MALRD1: variants seen among roughly 807,000 people sequenced by gnomAD.
MALRD1 encodes MAM and LDL-receptor class A domain-containing protein 1.
Under a neutral mutation model 242.1 loss-of-function variants are expected in MALRD1, and 247 were observed. The observed-to-expected ratio is 1.02, with a 90% CI of 0.92 to 1.13. The LOEUF is 1.13. Among genes scored for constraint, MALRD1 ranks in the 50% most tolerant of loss-of-function variants. MALRD1 has a pLI of 0.00. For missense variants in MALRD1, 2,989 were observed against 2,533.1 expected (o/e 1.18, Z -3.86); for synonymous variants, 995 against 866.6 (o/e 1.15, Z -2.60).
chr10:19,519,616 T>A (rs1833789074), intron 31 of MALRD1, among the ~76,000 whole-genome samples: 1 of 151,902 alleles, frequency 6.6e-6, no homozygotes, highest in Admixed American at 6.6e-5. Flanking sequence ...AATTTTTTTT[T>A]TATAAGGTAG....
Position 19,615,842 on chromosome 10 carries a change from G to A in MALRD1, c.6071-15G>A, listed in dbSNP as rs572698122. ...ATTTATAATTAACTGGTGTCTTTGT[G>A]ATGCTTCTTTTTAGAATGTCCATTA... On this transcript the variant is annotated splice_polypyrimidine_tract_variant and intron_variant, in intron 35 of 39. Transcript: ENST00000454679. 29 of 1,520,896 alleles carry A rather than the reference G, an allele frequency of 1.9e-5. 1 individual carries two copies. In the African/African-American group the frequency reaches 2.1e-4, roughly 11 times the overall value. 94.2% of individuals were successfully genotyped at this position (1,520,896 alleles called of 1,614,324 possible).
In MALRD1 at chr10:19,659,585, G is replaced by T. The variant is rs373068081; in HGVS notation, c.6138-32697G>T. 3.9e-5 allele frequency among the ~76,000 whole-genome samples: 6 copies of T among 151,972 alleles called. No individual in the cohort carries two copies. The South Asian group carries it at 1.2e-3, about 32-fold the overall frequency. On this transcript the variant is annotated intron_variant, in intron 36 of 39. Coordinates refer to ENST00000454679, the MANE Select transcript of MALRD1 (RefSeq NM_001142308.3). ...ATCAATTTCATTCTCTTCACCAGTT[G>T]TCTGCCTCATAAAAGCCATTTCTGC...
chr10:19,054,126 T>C (rs1271468873), intron 1 of MALRD1, among the ~76,000 whole-genome samples: 1 of 152,142 alleles, frequency 6.6e-6, no homozygotes, highest in East Asian at 1.9e-4. Context: ...AATTTTTAAA[T>C]GATTTAAAAA....
intron 26 of MALRD1, among the ~76,000 whole-genome samples, chr10:19,382,849 C>T (rs1259177704): frequency 6.6e-6 from 1 of 152,148 alleles, no homozygotes; most frequent in Non-Finnish European, 1.5e-5. Flanking sequence ...TGTACCACTC[C>T]TGCTACTCAG....
chr10:19,371,228 A>G (rs971158087), intron 26 of MALRD1, among the ~76,000 whole-genome samples: 21 of 152,170 alleles, frequency 1.4e-4, no homozygotes, highest in Middle Eastern at 3.4e-3. Flanking sequence ...TAGCCTGGGC[A>G]ACCCAGTGAG....
At chr10:19,393,847 A>G (rs961816975) in intron 28 of MALRD1, among the ~76,000 whole-genome samples, 1 of 151,934 alleles carries the variant, frequency 6.6e-6, no homozygotes, top group Non-Finnish European at 1.5e-5. Flanking sequence ...GTTTTCCACA[A>G]TTTGTTTTCA....
intron 35 of MALRD1, among the ~76,000 whole-genome samples, chr10:19,612,837 G>T (rs1028121987): frequency 6.6e-6 from 1 of 151,798 alleles, no homozygotes; most frequent in Non-Finnish European, 1.5e-5. Context: ...GGGGATGGTG[G>T]TGACCTATTA....
At position 19,607,782 on chromosome 10, in the gene MALRD1, A is replaced by T. The variant is rs1468215506; in HGVS notation, c.5950A>T (p.Lys1984Ter). ...TTATTCTTTTTTTTTTGCAGCCAAC[A>T]AAAGCTGTTCTAATGGAGCTCTGGT... The part of the protein sequence containing the change: ...FNEDELICSN[K>*]SCSNGALVCA... Residue 1984 changes from lysine to a stop codon, truncating the protein, a stop_gained, in exon 35 of 40, where the codon AAA (lysine) becomes TAA (stop). Coordinates refer to ENST00000454679, the MANE Select transcript of MALRD1 (RefSeq NM_001142308.3). LOFTEE classifies it high-confidence loss of function. 5 of 1,547,902 alleles carry T rather than the reference A, an allele frequency of 3.2e-6. No individual in the cohort carries two copies. In the East Asian group the frequency reaches 1.2e-4, roughly 38 times the overall value.
intron 36 of MALRD1, among the ~76,000 whole-genome samples, chr10:19,667,459 C>T (rs1253696858): frequency 2.0e-5 from 3 of 152,140 alleles, no homozygotes; most frequent in African/African-American, 7.2e-5. Context: ...GAACTGTAAT[C>T]TCCAATGCTA....
chr10:19,714,771 G>C (rs1014237976), intron 38 of MALRD1, among the ~76,000 whole-genome samples: 4 of 152,018 alleles, frequency 2.6e-5, no homozygotes, highest in Non-Finnish European at 5.9e-5. Context: ...CATGCGGATC[G>C]CATCTTTTAT....
chr10:19,235,576 C>CGAGAGAG (rs1564488759), intron 18 of MALRD1, among the ~76,000 whole-genome samples: 5 of 57,300 alleles, frequency 8.7e-5, no homozygotes, highest in Non-Finnish European at 1.3e-4. Context: ...CACCCACACC[C>CGAGAGAG]ACAGAGAGAG....
Position 19,253,989 on chromosome 10 carries a change from C to T in MALRD1, c.2992-3695C>T, listed in dbSNP as rs139605050. Reference sequence around the variant, plus strand: ...GGGGTTTCACCCTTTGCTCGTGTCTCATTCTCTCTCCTGTCACCATGTGAA... The same window carrying T: ...GGGGTTTCACCCTTTGCTCGTGTCTTATTCTCTCTCCTGTCACCATGTGAA... On this transcript the variant is annotated intron_variant, in intron 18 of 39. Coordinates refer to ENST00000454679, the MANE Select transcript of MALRD1 (RefSeq NM_001142308.3). Among the ~76,000 whole-genome samples the T allele has an allele frequency of 9.6e-4, 146 of 152,054 alleles. 2 individuals carry two copies. The highest frequency in any genetic ancestry group is 6.6e-3 in the East Asian group (34 of 5,150).
chr10:19,536,159 A>T (rs767009426), intron 32 of MALRD1, among the ~76,000 whole-genome samples: 1 of 151,986 alleles, frequency 6.6e-6, no homozygotes, highest in Non-Finnish European at 1.5e-5. Flanking sequence ...CTTCCTAGGT[A>T]GGTTTGGTCA....
At chr10:19,074,541 A>G (rs1000874079) in intron 2 of MALRD1, among the ~76,000 whole-genome samples, 2 of 152,064 alleles carry the variant, frequency 1.3e-5, no homozygotes, top group African/African-American at 4.8e-5. Flanking sequence ...CTATTTTTCC[A>G]TTTATTTCAA....
chr10:19,731,111 A>G (rs184985138), intron 39 of MALRD1, among the ~76,000 whole-genome samples: 131 of 152,352 alleles, frequency 8.6e-4, no homozygotes, highest in Middle Eastern at 6.8e-3. Flanking sequence ...AGCTGCTTAC[A>G]GTAACTATTC....
chr10:19,128,062 T>G (rs907654249), intron 7 of MALRD1, among the ~76,000 whole-genome samples, 159 bp from the exon 8 acceptor site: 28 of 152,304 alleles, frequency 1.8e-4, no homozygotes, highest in African/African-American at 6.3e-4. Flanking sequence ...AAACCTGTTA[T>G]TTGTAGTTGA....
intron 18 of MALRD1, among the ~76,000 whole-genome samples, chr10:19,223,678 C>T (rs117254472): frequency 0.049 from 7,419 of 152,194 alleles, 215 homozygotes; most frequent in Middle Eastern, 0.078. Context: ...AGTATTTCTC[C>T]TAATGCTATC....
chr10:19,433,317 G>A (rs1834220799), intron 28 of MALRD1, among the ~76,000 whole-genome samples: 1 of 151,914 alleles, frequency 6.6e-6, no homozygotes, highest in South Asian at 2.1e-4. Flanking sequence ...GTTGAAATGG[G>A]GAAAGACAAA....
intron 33 of MALRD1, among the ~76,000 whole-genome samples, chr10:19,579,589 A>T (rs966026366): frequency 6.6e-6 from 1 of 152,182 alleles, no homozygotes; most frequent in East Asian, 1.9e-4. Flanking sequence ...TCTCAGCCCT[A>T]TATCAGCTAG....
Sources: allele counts gnomAD v4.1 joint callset (sites outside exome capture counted in the v4.1 genomes callset), GRCh38; gene constraint gnomAD v4.1.1; transcripts MANE v1.5; gene names NCBI Gene and HGNC (gene_info 2026-07-23, HGNC 2026-07-21).